TNR: variants seen among roughly 807,000 people sequenced by gnomAD.
TNR encodes tenascin-R.
A neutral mutation model predicts 150.4 loss-of-function variants in TNR; 45 were observed. That is an observed-to-expected ratio of 0.30 (90% CI 0.24 to 0.38). The LOEUF is 0.38. Among genes scored for constraint, TNR ranks in the 10% least tolerant of loss-of-function variants. The probability of loss-of-function intolerance (pLI) is 1.00; values close to 1 mark genes in which losing one functional copy is unlikely to be tolerated. For missense variants in TNR, 1,544 were observed against 1,759.1 expected (o/e 0.88, Z 2.19); for synonymous variants, 687 against 678.4 (o/e 1.01, Z -0.20).
chr1:175,572,210 G>T (rs957533196), intron 1 of TNR, among the ~76,000 whole-genome samples: 1 of 152,180 alleles, frequency 6.6e-6, no homozygotes, highest in Non-Finnish European at 1.5e-5. Context: ...TACTGCCTCA[G>T]TTGGCTTAAA....
intron 20 of TNR, among the ~76,000 whole-genome samples, chr1:175,332,463 T>C (rs78177760): frequency 0.012 from 1,785 of 152,288 alleles, 45 homozygotes; most frequent in African/African-American, 0.041. Flanking sequence ...GAGAACCCCA[T>C]ATAGTACATA....
chr1:175,516,551 A>C (rs1272921128), intron 2 of TNR, among the ~76,000 whole-genome samples: 1 of 152,160 alleles, frequency 6.6e-6, no homozygotes, highest in Non-Finnish European at 1.5e-5. Flanking sequence ...GCCTCAATCT[A>C]ATTGCTTGAA....
chr1:175,385,908 T>C, intron 8 of TNR, 124 bp downstream of exon 8: 1 of 1,167,762 alleles, frequency 8.6e-7, no homozygotes, highest in Non-Finnish European at 1.2e-6. Context: ...GCGGTGTCTA[T>C]GACAAGGCCA....
intron 2 of TNR, among the ~76,000 whole-genome samples, chr1:175,518,720 T>C (rs775031918): frequency 8.5e-5 from 13 of 152,178 alleles, no homozygotes; most frequent in Non-Finnish European, 1.8e-4. Context: ...TAGCATCATC[T>C]ACATTATAAC....
intron 1 of TNR, among the ~76,000 whole-genome samples, chr1:175,635,102 G>A (rs531005102): frequency 4.2e-4 from 64 of 152,306 alleles, no homozygotes; most frequent in African/African-American, 1.5e-3. Flanking sequence ...GAAAACAAGA[G>A]GGCTGCTCCA....
intron 1 of TNR, among the ~76,000 whole-genome samples, chr1:175,716,499 C>T (rs1226302350): frequency 6.6e-6 from 1 of 152,156 alleles, no homozygotes; most frequent in Non-Finnish European, 1.5e-5. Flanking sequence ...TTTCAAAGAG[C>T]TCTTGCCCAA....
chr1:175,548,832 G>T (rs1057499937), intron 1 of TNR, among the ~76,000 whole-genome samples: 4 of 152,178 alleles, frequency 2.6e-5, no homozygotes, highest in Non-Finnish European at 5.9e-5. Context: ...CCATTTATCT[G>T]CTGGAATGCT....
chr1:175,331,006 T>TTTC (rs1418959737), intron 20 of TNR, among the ~76,000 whole-genome samples: 22 of 40,552 alleles, frequency 5.4e-4, no homozygotes, highest in African/African-American at 2.0e-3. Context: ...TGATTCTTTC[T>TTTC]TTCTTTCTTT....
intron 2 of TNR, among the ~76,000 whole-genome samples, chr1:175,513,744 A>G (rs1046025763): frequency 6.6e-6 from 1 of 152,084 alleles, no homozygotes; most frequent in Non-Finnish European, 1.5e-5. Flanking sequence ...CTTCCTTATT[A>G]CGTGTTTCCA....
At chr1:175,604,629 T>C (rs1663354852) in intron 1 of TNR, among the ~76,000 whole-genome samples, 1 of 152,234 alleles carries the variant, frequency 6.6e-6, no homozygotes, top group Non-Finnish European at 1.5e-5. Flanking sequence ...AATCTATCTT[T>C]ATGCCATCCT....
At chr1:175,640,375 TG>T (rs1664618559) in intron 1 of TNR, among the ~76,000 whole-genome samples, 1 of 152,190 alleles carries the variant, frequency 6.6e-6, no homozygotes, top group South Asian at 2.1e-4. Flanking sequence ...GACGTCTGTC[TG>T]GGAGGGAGAA....
intron 1 of TNR, among the ~76,000 whole-genome samples, chr1:175,605,538 T>G (rs1419461132): frequency 3.9e-5 from 6 of 152,166 alleles, no homozygotes; most frequent in Non-Finnish European, 8.8e-5. Context: ...TTGTGGCCAG[T>G]GAAATAGATA....
chr1:175,695,647 C>T (rs756909780), intron 1 of TNR, among the ~76,000 whole-genome samples: 4 of 152,182 alleles, frequency 2.6e-5, no homozygotes, highest in Non-Finnish European at 5.9e-5. Flanking sequence ...AGAATGTACC[C>T]CTACATTCTT....
chr1:175,451,218 A>ATTTTTTTTTTTTTTTTTTTTT (rs1402508268), intron 2 of TNR, among the ~76,000 whole-genome samples: 1 of 92,468 alleles, frequency 1.1e-5, no homozygotes, highest in African/African-American at 4.0e-5. Flanking sequence ...TTTTTTTTTA[A>ATTTTTTTTTTTTTTTTTTTTT]TGTTTTTATT....
intron 1 of TNR, among the ~76,000 whole-genome samples, chr1:175,606,604 G>A (rs1035566198): frequency 3.9e-5 from 6 of 152,152 alleles, no homozygotes; most frequent in Non-Finnish European, 8.8e-5. Flanking sequence ...CAGGCTGGCA[G>A]AATTCCTGAA....
intron 9 of TNR, among the ~76,000 whole-genome samples, chr1:175,375,504 C>T (rs989147798): frequency 2.0e-5 from 3 of 151,854 alleles, no homozygotes; most frequent in African/African-American, 7.3e-5. Flanking sequence ...ATTTTGGGCA[C>T]CAGCCTGGAC....
At chr1:175,617,935 C>T (rs1365333790) in intron 1 of TNR, among the ~76,000 whole-genome samples, 3 of 152,246 alleles carry the variant, frequency 2.0e-5, no homozygotes, top group African/African-American at 4.8e-5. Context: ...CAAGATCATG[C>T]GGCCAGTAAA....
At chr1:175,452,747 G>C (rs1166303983) in intron 2 of TNR, among the ~76,000 whole-genome samples, 1 of 152,230 alleles carries the variant, frequency 6.6e-6, no homozygotes, top group Non-Finnish European at 1.5e-5. Context: ...GGATGACCCT[G>C]CACACTACTG....
At chr1:175,640,144 T>C (rs1170318774) in intron 1 of TNR, among the ~76,000 whole-genome samples, 2 of 152,250 alleles carry the variant, frequency 1.3e-5, no homozygotes, top group African/African-American at 4.8e-5. Context: ...ATTCCAGAGA[T>C]AGATCTTTTT....
Sources: gnomAD v4.1 joint callset for allele counts (sites outside exome capture counted in the v4.1 genomes callset) on GRCh38, gnomAD v4.1.1 for gene constraint, MANE v1.5 for transcripts, NCBI Gene and HGNC (gene_info 2026-07-23, HGNC 2026-07-21) for gene names.